The following TENM4 variants were observed in gnomAD, a reference collection of about 807,000 sequenced individuals.
TENM4 encodes teneurin transmembrane protein 4.
A neutral mutation model predicts 243.3 loss-of-function variants in TENM4; 82 were observed. That is an observed-to-expected ratio of 0.34 (90% CI 0.28 to 0.40). The LOEUF is 0.40. Among genes scored for constraint, TENM4 ranks in the 10% least tolerant of loss-of-function variants. TENM4 has a pLI of 1.00. For synonymous variants in TENM4, 1,412 were observed against 1,456.3 expected, an observed-to-expected ratio of 0.97 and a Z score of 0.69; for missense variants, 3,138 against 3,673.3, an observed-to-expected ratio of 0.85 and a Z score of 3.77.
intron 9 of TENM4, among the ~76,000 whole-genome samples, chr11:78,870,322 T>A (rs189494760): frequency 2.0e-4 from 30 of 152,338 alleles, no homozygotes; most frequent in African/African-American, 6.5e-4. Flanking sequence ...CTTCTTTCTA[T>A]ATGTTCCCTA....
rs527471601 is a variant in TENM4, at chr11:78,718,597, A to T, written c.3821+1773T>A. Among the ~76,000 whole-genome samples, 200 of 152,260 alleles carry T rather than the reference A, an allele frequency of 1.3e-3. 1 individual carries two copies. In the Middle Eastern group the frequency reaches 0.014, roughly 10 times the overall value. Reference sequence around the variant, plus strand: ...CCTTTGCAGCCGCCACCACTAACTGAATGTTTCAACATTAAATGCTAGGCT... The same window carrying T: ...CCTTTGCAGCCGCCACCACTAACTGTATGTTTCAACATTAAATGCTAGGCT... On this transcript the variant is annotated intron_variant, in intron 25 of 33. Coordinates refer to ENST00000278550, the MANE Select transcript of TENM4 (RefSeq NM_001098816.3).
At chr11:78,976,442 G>A (rs1445030361) in intron 6 of TENM4, among the ~76,000 whole-genome samples, 2 of 152,198 alleles carry the variant, frequency 1.3e-5, no homozygotes, top group African/African-American at 4.8e-5. Context: ...GCCATGTGGT[G>A]TGGATATAAG....
chr11:79,403,225 C>A (rs1334572689), intron 1 of TENM4, among the ~76,000 whole-genome samples: 1 of 152,224 alleles, frequency 6.6e-6, no homozygotes, highest in African/African-American at 2.4e-5. Flanking sequence ...ACGATTCTCC[C>A]ATGCACATTT....
Position 78,889,881 on chromosome 11 carries a change from G to A in TENM4, c.988C>T (p.Leu330Phe). ...RSTFARPAFN[L>F]KKPSKYCNWK... ...TTACAGTACTTGGAGGGCTTCTTGA[G>A]GTTAAAGGCCGGCCGGGCGAAGGTG... Residue 330 changes from leucine (L) to phenylalanine (F), a missense_variant, in exon 9 of 34, where the codon CTC becomes TTC. By Grantham distance (22) the Leu-to-Phe change is conservative. Around this residue, in one of 2 missense-constraint regions of TENM4, gnomAD observed 671 missense variants for 614.1 expected, o/e 1.09. Coordinates refer to ENST00000278550, the MANE Select transcript of TENM4 (RefSeq NM_001098816.3). The A allele has an allele frequency of 6.4e-7, 1 of 1,551,842 alleles. No individual in the cohort carries two copies. The highest frequency in any genetic ancestry group is 8.7e-7 in the Non-Finnish European group (1 of 1,147,026).
chr11:79,419,872 T>A (rs976762425), intron 1 of TENM4, among the ~76,000 whole-genome samples: 1 of 152,190 alleles, frequency 6.6e-6, no homozygotes, highest in Non-Finnish European at 1.5e-5. Context: ...GTGAGCCAAA[T>A]TATTCCTTAG....
chr11:79,180,170 T>C (rs1863253491), intron 3 of TENM4, among the ~76,000 whole-genome samples: 1 of 151,580 alleles, frequency 6.6e-6, no homozygotes, highest in Non-Finnish European at 1.5e-5. Flanking sequence ...ATTCTAAAAA[T>C]GCATTTTGGC....
Position 79,362,848 on chromosome 11 carries a change from C to T in TENM4, c.-320-65305G>A, listed in dbSNP as rs571536579. 5.9e-5 allele frequency among the ~76,000 whole-genome samples: 9 copies of T among 152,338 alleles called. No homozygotes were observed. The East Asian group carries it at 7.7e-4, about 13-fold the overall frequency. On this transcript the variant is annotated intron_variant, in intron 1 of 33. Transcript: ENST00000278550. ...AACATAGACAAAATGCTTACAAATA[C>T]GTAGCAGTCAATGAGCTTTAACCGT...
At chr11:78,963,425 A>G (rs1857373256) in intron 6 of TENM4, among the ~76,000 whole-genome samples, 1 of 152,258 alleles carries the variant, frequency 6.6e-6, no homozygotes, top group Non-Finnish European at 1.5e-5. Context: ...GACATATAAA[A>G]GTATACAGTA....
At chr11:79,149,684 C>T (rs952524954) in intron 3 of TENM4, among the ~76,000 whole-genome samples, 5 of 152,110 alleles carry the variant, frequency 3.3e-5, no homozygotes, top group Non-Finnish European at 4.4e-5. Context: ...AGTCCACTTT[C>T]GTGAGTGTTT....
At chr11:78,922,356 T>C (rs189106871) in intron 6 of TENM4, among the ~76,000 whole-genome samples, 1 of 152,306 alleles carries the variant, frequency 6.6e-6, no homozygotes, top group Admixed American at 6.5e-5. Context: ...ATGATGACAA[T>C]TCTCTTGTTA....
intron 3 of TENM4, among the ~76,000 whole-genome samples, chr11:79,205,490 C>T (rs1863835293): frequency 6.6e-6 from 1 of 152,192 alleles, no homozygotes; most frequent in Non-Finnish European, 1.5e-5. Context: ...CACCCCCAGC[C>T]CAGGTCCTCA....
intron 12 of TENM4, among the ~76,000 whole-genome samples, chr11:78,831,506 G>A (rs573721717): frequency 1.3e-5 from 2 of 152,354 alleles, no homozygotes; most frequent in South Asian, 4.1e-4. Context: ...ACATCTCAGG[G>A]AAGGCGAGGA....
intron 12 of TENM4, among the ~76,000 whole-genome samples, chr11:78,823,488 C>A (rs527177): frequency 0.4 from 60,006 of 151,670 alleles, 12,389 homozygotes; most frequent in Middle Eastern, 0.53. Context: ...GGAGCAGGAG[C>A]CAAGGGGTGT....
chr11:78,841,439 G>A (rs183227520), intron 12 of TENM4, among the ~76,000 whole-genome samples: 1 of 152,274 alleles, frequency 6.6e-6, no homozygotes, highest in East Asian at 1.9e-4. Flanking sequence ...ATCCATTTCT[G>A]GAAAGCACTG....
At chr11:78,826,480 T>C (rs1857854900) in intron 12 of TENM4, among the ~76,000 whole-genome samples, 1 of 152,166 alleles carries the variant, frequency 6.6e-6, no homozygotes, top group South Asian at 2.1e-4. Context: ...AACCTCTATG[T>C]TGGCTTGGAC....
chr11:79,036,500 C>T (rs1859381788), intron 6 of TENM4, among the ~76,000 whole-genome samples: 1 of 152,194 alleles, frequency 6.6e-6, no homozygotes, highest in African/African-American at 2.4e-5. Context: ...ACATCATGAC[C>T]AGTGTACCAC....
intron 3 of TENM4, among the ~76,000 whole-genome samples, chr11:79,172,579 G>A (rs1863069608): frequency 6.6e-6 from 1 of 151,682 alleles, no homozygotes; most frequent in Non-Finnish European, 1.5e-5. Flanking sequence ...TCTCCTTTGT[G>A]TCCTTCTCTG....
In TENM4 at chr11:78,723,138, C is replaced by T. The variant is rs80091729; in HGVS notation, c.3551-221G>A. 9.0e-3 allele frequency among the ~76,000 whole-genome samples: 1,375 copies of T among 152,320 alleles called. 12 individuals are homozygous for T. Among genetic ancestry groups the T allele is most frequent in the African/African-American group, 0.031 (1,276 of 41,558 alleles). On this transcript the variant is annotated intron_variant, in intron 23 of 33. Transcript: ENST00000278550. ...ACTCCATAGCTCTGTAAGATAGACA[C>T]TATTATTATCCCTACTGTAACAGGG...
chr11:79,168,369 G>A lies in TENM4; in HGVS notation c.-162-19563C>T, dbSNP rs534350774. 2.6e-5 allele frequency among the ~76,000 whole-genome samples: 4 copies of A among 152,282 alleles called. No individual in the cohort carries two copies. The South Asian group carries it at 8.3e-4, about 32-fold the overall frequency. ...AGAGAGGGTTGTGGGAGAATGACAT[G>A]GTGATCCAGGGGTGTGGGGGGATGC... On this transcript the variant is annotated intron_variant, in intron 3 of 33. Transcript: ENST00000278550.
Sources: allele counts gnomAD v4.1 joint callset (sites outside exome capture counted in the v4.1 genomes callset), GRCh38; gene constraint gnomAD v4.1.1; regional missense constraint gnomAD v4.1.1; transcripts MANE v1.5; gene names NCBI Gene and HGNC (gene_info 2026-07-23, HGNC 2026-07-21).